The following ALDH1A1 variants were observed in gnomAD, a reference collection of about 807,000 sequenced individuals.
The protein encoded by ALDH1A1 is aldehyde dehydrogenase 1 family member A1.
ALDH1A1 carries 19 observed loss-of-function variants against 62.1 expected under a neutral mutation model. The observed-to-expected ratio is 0.31, with a 90% CI of 0.21 to 0.45. ALDH1A1 has a LOEUF of 0.45. Among genes scored for constraint, ALDH1A1 ranks in the 20% least tolerant of loss-of-function variants. The pLI is 1.00. For synonymous variants in ALDH1A1, 231 were observed against 215.9 expected (o/e 1.07, Z -0.61); for missense variants, 521 against 607.1 (o/e 0.86, Z 1.49).
rs971639321 is a variant in ALDH1A1, at chr9:72,900,998, G to C, written c.*210C>G. On this transcript the variant is annotated 3_prime_UTR_variant, in exon 13 of 13. Coordinates refer to ENST00000297785, the MANE Select transcript of ALDH1A1 (RefSeq NM_000689.5). The stretch of plus-strand genomic sequence containing the variant: ...AATTTGTCTTTTTTTATTTAGGATA[G>C]GACTTGGGGGTCACATTTCAGAAGG... The C allele has an allele frequency of 1.4e-5, 6 of 424,248 alleles. No homozygotes were observed. The South Asian group carries it at 3.3e-4, about 23-fold the overall frequency. 26.3% of individuals were successfully genotyped at this position (424,248 alleles called of 1,614,324 possible).
chr9:72,918,674 CA>C, intron 8 of ALDH1A1, 45 bp downstream of exon 8: 4 of 628,492 alleles, frequency 6.4e-6, no homozygotes, highest in Non-Finnish European at 6.8e-6. Context: ...TATCAGACAC[CA>C]AAAACGATGA....
chr9:72,947,362 G>A (rs1374720665), intron 1 of ALDH1A1, among the ~76,000 whole-genome samples: 1 of 151,958 alleles, frequency 6.6e-6, no homozygotes, highest in Non-Finnish European at 1.5e-5. Context: ...CTGCATTGAA[G>A]TTATAAGGCT....
intron 9 of ALDH1A1, among the ~76,000 whole-genome samples, chr9:72,916,695 G>C (rs1830068951): frequency 6.6e-6 from 1 of 152,254 alleles, no homozygotes; most frequent in Non-Finnish European, 1.5e-5. Flanking sequence ...TTAATTCTCA[G>C]CATGGCCGGT....
intron 10 of ALDH1A1, among the ~76,000 whole-genome samples, chr9:72,911,109 C>CAT (rs1246619986): frequency 6.6e-6 from 1 of 151,906 alleles, no homozygotes; most frequent in East Asian, 1.9e-4. Flanking sequence ...ACTTGGTGAG[C>CAT]ATATATATAA....
intron 1 of ALDH1A1, among the ~76,000 whole-genome samples, chr9:72,952,285 G>A (rs969978812): frequency 2.0e-5 from 3 of 151,812 alleles, no homozygotes; most frequent in Non-Finnish European, 2.9e-5. Flanking sequence ...CCCCAGCTGC[G>A]GATTTTAAAG....
chr9:72,953,022 A>G lies in ALDH1A1; in HGVS notation c.-22T>C, dbSNP rs775069695. 1.6e-5 allele frequency: 25 copies of G among 1,612,898 alleles called. No individual in the cohort carries two copies. The Admixed American group carries it at 3.8e-4, about 25-fold the overall frequency. ...ACATTTCTGATTCGGCTCCTGGAAC[A>G]CAGGTGACTGGCTCAGCAATTTGGT... On this transcript the variant is annotated 5_prime_UTR_variant, in exon 1 of 13. Coordinates refer to ENST00000297785, the MANE Select transcript of ALDH1A1 (RefSeq NM_000689.5).
At chr9:72,908,548 G>A (rs868402659) in intron 11 of ALDH1A1, among the ~76,000 whole-genome samples, 9 of 29,724 alleles carry the variant, frequency 3.0e-4, no homozygotes, top group African/African-American at 1.1e-3. Flanking sequence ...AGAAAGAAAA[G>A]AAAGAAGAAA....
chr9:72,918,990 G>T (rs1163695085), intron 7 of ALDH1A1, among the ~76,000 whole-genome samples, 168 bp from the exon 8 acceptor site: 1 of 152,110 alleles, frequency 6.6e-6, no homozygotes, highest in Non-Finnish European at 1.5e-5. Context: ...GACTGGGCTG[G>T]AGTGCAGTGG....
chr9:72,950,333 AG>A (rs1449755639), intron 1 of ALDH1A1, among the ~76,000 whole-genome samples: 6 of 151,912 alleles, frequency 3.9e-5, no homozygotes, highest in Admixed American at 3.3e-4. Flanking sequence ...CTTCATTTAA[AG>A]GCTCAATAAA....
intron 1 of ALDH1A1, among the ~76,000 whole-genome samples, chr9:72,946,295 C>T (rs1026313857): frequency 6.6e-5 from 10 of 151,840 alleles, no homozygotes; most frequent in African/African-American, 2.2e-4. Flanking sequence ...AAAAAAGTAT[C>T]GATAGAGCAG....
intron 10 of ALDH1A1, 21 bp from the exon 11 acceptor site, chr9:72,909,780 A>C (rs1373345463): frequency 6.4e-7 from 1 of 1,568,360 alleles, no homozygotes; most frequent in Admixed American, 1.8e-5. Context: ...AGAAATAAAT[A>C]AGTAAAAATA....
intron 1 of ALDH1A1, among the ~76,000 whole-genome samples, chr9:72,947,370 G>A (rs917635879): frequency 3.3e-5 from 5 of 151,904 alleles, no homozygotes. Flanking sequence ...AAGTTATAAG[G>A]CTCACTCACC....
At chr9:72,928,462 A>G (rs1196347176) in intron 4 of ALDH1A1, among the ~76,000 whole-genome samples, 1 of 152,192 alleles carries the variant, frequency 6.6e-6, no homozygotes, top group East Asian at 1.9e-4. Flanking sequence ...CCAGGCACAG[A>G]TGACCATAAC....
Position 72,901,354 on chromosome 9 carries a change from TACG to T in ALDH1A1, c.1434-77_1434-75del, listed in dbSNP as rs1420020262. On this transcript the variant is annotated intron_variant, in intron 12 of 12. Coordinates refer to ENST00000297785, the MANE Select transcript of ALDH1A1 (RefSeq NM_000689.5). ...TAAATATACTGTAGTTCATGTTTGG[TACG>T]AGTTTGTTCTTGTTTTACTGGCTAG... 2.8e-6 allele frequency: 3 copies of T among 1,071,148 alleles called. No individual in the cohort carries two copies. In the African/African-American group the frequency reaches 4.7e-5, roughly 17 times the overall value. The allele number at this position is 1,071,148 out of a possible 1,614,324, so 66.4% of individuals were successfully genotyped here. A position where few individuals can be genotyped will look rare whatever the true frequency, so the allele number is the denominator to read the frequency against.
intron 9 of ALDH1A1, among the ~76,000 whole-genome samples, chr9:72,913,948 A>G (rs954174877): frequency 2.6e-4 from 40 of 152,344 alleles, no homozygotes; most frequent in African/African-American, 9.4e-4. Context: ...TTGATTCACC[A>G]CAAATACAGA....
At chr9:72,920,094 C>T (rs1830120294) in intron 7 of ALDH1A1, among the ~76,000 whole-genome samples, 1 of 151,924 alleles carries the variant, frequency 6.6e-6, no homozygotes, top group Non-Finnish European at 1.5e-5. Flanking sequence ...CTCTGCATGT[C>T]AGATTTTAAT....
intron 3 of ALDH1A1, among the ~76,000 whole-genome samples, chr9:72,929,739 A>G (rs1830256257): frequency 6.6e-6 from 1 of 152,208 alleles, no homozygotes; most frequent in South Asian, 2.1e-4. Flanking sequence ...AGAAATGCAC[A>G]GGTGATGAAC....
intron 3 of ALDH1A1, among the ~76,000 whole-genome samples, chr9:72,929,912 C>A (rs1830259151): frequency 2.0e-5 from 3 of 152,200 alleles, no homozygotes; most frequent in African/African-American, 7.2e-5. Context: ...TTTCTGCTTT[C>A]TTCCTACAGG....
intron 1 of ALDH1A1, among the ~76,000 whole-genome samples, chr9:72,943,155 A>G (rs1447704599): frequency 1.3e-5 from 2 of 152,102 alleles, no homozygotes; most frequent in African/African-American, 2.4e-5. Flanking sequence ...GCAGAGATCC[A>G]GAATTTCACC....
Sources: gnomAD v4.1 joint callset for allele counts (sites outside exome capture counted in the v4.1 genomes callset) on GRCh38, gnomAD v4.1.1 for gene constraint, MANE v1.5 for transcripts, NCBI Gene and HGNC (gene_info 2026-07-23, HGNC 2026-07-21) for gene names.